The following TIMP3 variants were observed in gnomAD, a reference collection of about 807,000 sequenced individuals.
The protein encoded by TIMP3 is TIMP metallopeptidase inhibitor 3, also known as metalloproteinase inhibitor 3.
A neutral mutation model predicts 30.0 loss-of-function variants in TIMP3; 11 were observed. That is an observed-to-expected ratio of 0.37 (90% CI 0.23 to 0.61). The LOEUF (loss-of-function observed/expected upper bound fraction) is 0.61, where lower values mean the gene tolerates loss of function less well. Ranked by LOEUF, TIMP3 falls within the 20% of genes least tolerant of loss-of-function variation. TIMP3 has a pLI of 0.70. For synonymous variants in TIMP3, 112 were observed against 111.3 expected (o/e 1.01, Z -0.04); for missense variants, 181 against 276.8 (o/e 0.65, Z 2.45).
Position 32,807,394 on chromosome 22 carries a change from A to T in TIMP3, c.121+5272A>T, listed in dbSNP as rs7291225. On this transcript the variant is annotated intron_variant, in intron 1 of 4. Transcript: ENST00000266085. ...ATTATATATAATATATATTATATATAATATATATATATTATATTTACATAT... is the reference window on the plus strand; with the variant it reads ...ATTATATATAATATATATTATATATTATATATATATATTATATTTACATAT... Among the ~76,000 whole-genome samples the T allele has an allele frequency of 3.6e-3, 359 of 100,598 alleles. 1 individual carries two copies. The highest frequency in any genetic ancestry group is 0.01 in the African/African-American group (262 of 25,588). 66.0% of individuals were successfully genotyped at this position (100,598 alleles called of 152,430 possible).
rs1371059053 is a variant in TIMP3 at position 32,837,574 on chromosome 22, G to C, written c.122-11878G>C. On this transcript the variant is annotated intron_variant, in intron 1 of 4. Coordinates refer to ENST00000266085, the MANE Select transcript of TIMP3 (RefSeq NM_000362.5). The surrounding 1 kb of genome is among the most constrained non-coding windows in gnomAD (Gnocchi z 4.1). ...CATGAAATACTAACGTTGAAGATTA[G>C]AAATGGGATGTGCACTGGAATGAGA... Among the ~76,000 whole-genome samples, 4 of 152,100 alleles carry C rather than the reference G, an allele frequency of 2.6e-5. No homozygotes were observed. The highest frequency in any genetic ancestry group is 9.7e-5 in the African/African-American group (4 of 41,404).
At chr22:32,816,784 G>A (rs1372702967) in intron 1 of TIMP3, among the ~76,000 whole-genome samples, 1 of 152,168 alleles carries the variant, frequency 6.6e-6, no homozygotes, top group Non-Finnish European at 1.5e-5. Context: ...AATTAAGGTC[G>A]CTTCCCTGGG....
chr22:32,850,609 G>A (rs1462472007), intron 2 of TIMP3, among the ~76,000 whole-genome samples: 1 of 152,152 alleles, frequency 6.6e-6, no homozygotes, highest in East Asian at 1.9e-4. Flanking sequence ...GAGTCAGGTT[G>A]GGAGAGAAGA....
At chr22:32,846,001 C>T (rs1436966840) in intron 1 of TIMP3, among the ~76,000 whole-genome samples, 1 of 152,158 alleles carries the variant, frequency 6.6e-6, no homozygotes, top group East Asian at 1.9e-4. Context: ...CTGGGGTTGG[C>T]CAGCAATTCT....
At chr22:32,811,666 G>A (rs532172122) in intron 1 of TIMP3, among the ~76,000 whole-genome samples, 7 of 152,216 alleles carry the variant, frequency 4.6e-5, no homozygotes, top group East Asian at 1.9e-4. Flanking sequence ...TGACAACTTC[G>A]CAACGAGGAA....
At chr22:32,802,369 G>T (rs2046612602) in intron 1 of TIMP3, among the ~76,000 whole-genome samples, 1 of 152,126 alleles carries the variant, frequency 6.6e-6, no homozygotes, top group Non-Finnish European at 1.5e-5. Context: ...TCCTAACTTA[G>T]GTCGTGAGGT....
In TIMP3 at chr22:32,849,465, G is replaced by C; in HGVS notation, c.135G>C (p.Lys45Asn). The C allele has an allele frequency of 6.2e-7, 1 of 1,613,750 alleles. No homozygotes were observed. Among genetic ancestry groups the C allele is most frequent in the African/African-American group, 1.3e-5 (1 of 75,024 alleles). ...CTGTCTCTGCAGTGATCCGGGCCAAGGTGGTGGGGAAGAAGCTGGTAAAGG... is the reference window on the plus strand; with the variant it reads ...CTGTCTCTGCAGTGATCCGGGCCAACGTGGTGGGGAAGAAGCTGGTAAAGG... ...FCNSDIVIRA[K>N]VVGKKLVKEG... Residue 45 changes from lysine (K) to asparagine (N), a missense_variant, in exon 2 of 5, where the codon AAG becomes AAC. Around this residue, in one of 3 missense-constraint regions of TIMP3, gnomAD observed 71 missense variants for 79.7 expected, o/e 0.89. Coordinates refer to ENST00000266085, the MANE Select transcript of TIMP3 (RefSeq NM_000362.5).
chr22:32,859,098 G>C (rs770754104), intron 4 of TIMP3, 82 bp from the exon 5 acceptor site: 2 of 1,427,184 alleles, frequency 1.4e-6, no homozygotes, highest in South Asian at 2.3e-5. Flanking sequence ...GTGGCCCCAG[G>C]GTCTGAATCC....
rs886057453 is a variant in TIMP3 at position 32,862,859 on chromosome 22, C to G, written c.*3482C>G. On this transcript the variant is annotated 3_prime_UTR_variant, in exon 5 of 5. Transcript: ENST00000266085. ...ATGGAGAGAAACCAACAAGAGATCT[C>G]GAACCCTGTCTAGAAGGAATGTATT... The G allele has an allele frequency of 6.6e-6, 1 of 152,570 alleles. No homozygotes were observed. Among genetic ancestry groups the G allele is most frequent in the African/African-American group, 2.4e-5 (1 of 41,434 alleles). The allele number at this position is 152,570 out of a possible 1,614,324, so 9.5% of individuals were successfully genotyped here. A position where few individuals can be genotyped will look rare whatever the true frequency, so the allele number is the denominator to read the frequency against.
At chr22:32,840,639 C>T (rs1423733856) in intron 1 of TIMP3, among the ~76,000 whole-genome samples, 2 of 152,040 alleles carry the variant, frequency 1.3e-5, no homozygotes, top group African/African-American at 2.4e-5. Flanking sequence ...CTTACCGCCG[C>T]CCCCTCCGCC....
At chr22:32,843,988 C>T (rs1005781443) in intron 1 of TIMP3, among the ~76,000 whole-genome samples, 10 of 152,074 alleles carry the variant, frequency 6.6e-5, no homozygotes, top group African/African-American at 2.4e-4. Flanking sequence ...GAATCAACTC[C>T]TAAGTCATGG....
At chr22:32,842,132 C>T (rs2047927580) in intron 1 of TIMP3, among the ~76,000 whole-genome samples, 1 of 152,194 alleles carries the variant, frequency 6.6e-6, no homozygotes, top group Non-Finnish European at 1.5e-5. Context: ...TGGGAAGTGA[C>T]TTGCCCAAGG....
chr22:32,827,673 T>G (rs1371800699), intron 1 of TIMP3, among the ~76,000 whole-genome samples: 4 of 152,214 alleles, frequency 2.6e-5, no homozygotes. Context: ...CAGTCACATC[T>G]CTGCCAATGC....
chr22:32,815,526 TC>T (rs2047065430), intron 1 of TIMP3, among the ~76,000 whole-genome samples: 1 of 152,226 alleles, frequency 6.6e-6, no homozygotes. Flanking sequence ...AGGTAGGCAC[TC>T]CTATTTCTAC....
chr22:32,803,939 C>A (rs1366090956), intron 1 of TIMP3, among the ~76,000 whole-genome samples: 1 of 152,150 alleles, frequency 6.6e-6, no homozygotes, highest in African/African-American at 2.4e-5. Context: ...AAAGTGAAAA[C>A]AAGCATGAGT....
chr22:32,850,833 C>T (rs941512250), intron 2 of TIMP3, among the ~76,000 whole-genome samples: 1 of 152,146 alleles, frequency 6.6e-6, no homozygotes, highest in African/African-American at 2.4e-5. Flanking sequence ...GGAGACAAGC[C>T]GCAATGTCCA....
At chr22:32,812,852 G>A (rs1405566620) in intron 1 of TIMP3, among the ~76,000 whole-genome samples, 3 of 152,216 alleles carry the variant, frequency 2.0e-5, no homozygotes, top group Non-Finnish European at 4.4e-5. Context: ...AGGATAGAAA[G>A]CTCCAAAGAT....
chr22:32,841,868 A>G (rs568795581), intron 1 of TIMP3, among the ~76,000 whole-genome samples: 63 of 152,252 alleles, frequency 4.1e-4, no homozygotes, highest in Non-Finnish European at 6.6e-4. Context: ...TTTAAAAAAA[A>G]AGTTCATGAG....
intron 1 of TIMP3, among the ~76,000 whole-genome samples, chr22:32,808,406 C>T (rs1213116501): frequency 6.6e-6 from 1 of 152,008 alleles, no homozygotes; most frequent in Non-Finnish European, 1.5e-5. Flanking sequence ...GATGGACTGC[C>T]GAGAGGGAGG....
Sources: gnomAD v4.1 joint callset for allele counts (sites outside exome capture counted in the v4.1 genomes callset) on GRCh38, gnomAD v4.1.1 for gene constraint, gnomAD v4.1.1 regional missense constraint, Gnocchi (gnomAD v3.1) non-coding constraint, MANE v1.5 for transcripts, NCBI Gene and HGNC (gene_info 2026-07-23, HGNC 2026-07-21) for gene names.